PTPN4: variants seen among roughly 807,000 people sequenced by gnomAD.
PTPN4 encodes tyrosine-protein phosphatase non-receptor type 4.
PTPN4 carries 49 observed loss-of-function variants against 135.5 expected under a neutral mutation model. That is an observed-to-expected ratio of 0.36 (90% confidence interval 0.29 to 0.46). PTPN4 has a LOEUF of 0.46. Ranked by LOEUF, PTPN4 falls within the 20% of genes least tolerant of loss-of-function variation. The pLI is 1.00. For synonymous variants in PTPN4, 333 were observed against 369.9 expected (o/e 0.90, Z 1.14); for missense variants, 860 against 1,101.0 (o/e 0.78, Z 3.10).
rs565134259 is a variant in PTPN4, at chr2:119,959,399, G to A, written c.2134-1408G>A. Among the ~76,000 whole-genome samples the A allele has an allele frequency of 1.5e-4, 23 of 152,310 alleles. No homozygotes were observed. The East Asian group carries it at 4.4e-3, about 29-fold the overall frequency. ...CTGAGATTGAAAGAGCAAAAGTTTG[G>A]TAATACTACATGTAGGTCCACATCC... On this transcript the variant is annotated intron_variant, in intron 22 of 26. Transcript: ENST00000263708.
At chr2:119,939,652 A>G (rs1162256323) in intron 15 of PTPN4, among the ~76,000 whole-genome samples, 2 of 152,084 alleles carry the variant, frequency 1.3e-5, no homozygotes, top group African/African-American at 2.4e-5. Flanking sequence ...TTCCTGGACT[A>G]TTCCATTCTA....
At chr2:119,907,044 A>T (rs1678499853) in intron 10 of PTPN4, among the ~76,000 whole-genome samples, 1 of 152,198 alleles carries the variant, frequency 6.6e-6, no homozygotes, top group Non-Finnish European at 1.5e-5. Context: ...TCAAGAACGC[A>T]ATCTCATTTA....
At chr2:119,944,453 T>C (rs1438706024) in intron 15 of PTPN4, among the ~76,000 whole-genome samples, 1 of 152,206 alleles carries the variant, frequency 6.6e-6, no homozygotes, top group African/African-American at 2.4e-5. Flanking sequence ...TTATCATATC[T>C]AGCTCTTTTT....
intron 18 of PTPN4, among the ~76,000 whole-genome samples, chr2:119,948,972 ATTTCT>A (rs944637518): frequency 2.8e-4 from 43 of 152,268 alleles, no homozygotes; most frequent in African/African-American, 9.9e-4. Context: ...GATAATACAC[ATTTCT>A]TTATTTACAT....
intron 2 of PTPN4, among the ~76,000 whole-genome samples, chr2:119,855,148 C>G (rs564144562): frequency 6.6e-6 from 1 of 152,186 alleles, no homozygotes; most frequent in East Asian, 1.9e-4. Context: ...CATGGTTTTT[C>G]TAAGATGATG....
At chr2:119,873,663 G>T (rs1322956226) in intron 3 of PTPN4, among the ~76,000 whole-genome samples, 2 of 152,122 alleles carry the variant, frequency 1.3e-5, no homozygotes, top group Non-Finnish European at 2.9e-5. Context: ...TGATGATGTA[G>T]TACCGTCTCT....
intron 18 of PTPN4, among the ~76,000 whole-genome samples, chr2:119,949,797 C>T (rs1261699796): frequency 1.3e-5 from 2 of 152,036 alleles, no homozygotes; most frequent in Non-Finnish European, 2.9e-5. Flanking sequence ...GAGCTATGAT[C>T]ACACCACTAC....
intron 2 of PTPN4, among the ~76,000 whole-genome samples, chr2:119,842,821 T>A (rs1677401224): frequency 6.6e-6 from 1 of 152,154 alleles, no homozygotes; most frequent in Non-Finnish European, 1.5e-5. Flanking sequence ...CATCTACAGA[T>A]CTTTTATAGC....
intron 3 of PTPN4, among the ~76,000 whole-genome samples, chr2:119,864,205 T>A (rs1677799961): frequency 6.6e-6 from 1 of 152,128 alleles, no homozygotes; most frequent in East Asian, 1.9e-4. Flanking sequence ...CTATAGGGTG[T>A]ATAACATTTT....
intron 5 of PTPN4, among the ~76,000 whole-genome samples, chr2:119,878,859 C>A (rs1266703851): frequency 6.6e-6 from 1 of 151,640 alleles, no homozygotes; most frequent in Non-Finnish European, 1.5e-5. Flanking sequence ...TTTGGGAGGC[C>A]AAGGTGGGCG....
intron 3 of PTPN4, 23 bp downstream of exon 3, chr2:119,862,666 C>T (rs1190764696): frequency 6.4e-7 from 1 of 1,560,806 alleles, no homozygotes; most frequent in Admixed American, 1.7e-5. Flanking sequence ...TTTTGTCTTT[C>T]ATTTTCATTT....
intron 9 of PTPN4, among the ~76,000 whole-genome samples, chr2:119,891,698 TG>T (rs1164034841): frequency 6.6e-6 from 1 of 152,322 alleles, no homozygotes; most frequent in Non-Finnish European, 1.5e-5. Flanking sequence ...CTGACTTATT[TG>T]TATTGTTTTT....
chr2:119,963,404 GCCTGCAGCTAGCTATCCC>G (rs1425832251), intron 24 of PTPN4, among the ~76,000 whole-genome samples: 1 of 152,154 alleles, frequency 6.6e-6, no homozygotes, highest in Admixed American at 6.5e-5. Flanking sequence ...TACTTTCTCT[GCCTGCAGCTAGCTATCCC>G]CCTGCCACCA....
Position 119,823,879 on chromosome 2 carries a change from ACT to A in PTPN4, c.138+13890_138+13891del, listed in dbSNP as rs550401693. 5.3e-5 allele frequency among the ~76,000 whole-genome samples: 8 copies of A among 152,050 alleles called. 1 individual carries two copies. In the East Asian group the frequency reaches 1.6e-3, roughly 29 times the overall value. On this transcript the variant is annotated intron_variant, in intron 2 of 26. Coordinates refer to ENST00000263708, the MANE Select transcript of PTPN4 (RefSeq NM_002830.4). ...AGCTTCTGCTATTGTTTTATGGTAA[ACT>A]CACTCTCGAAGAACTTTTAGCTGCT...
In PTPN4 at chr2:119,809,961, G is replaced by A. The variant is rs781440488; in HGVS notation, c.108G>A (p.Leu36=). The A allele has an allele frequency of 6.7e-5, 108 of 1,612,676 alleles. No homozygotes were observed. Among genetic ancestry groups the A allele is most frequent in the Non-Finnish European group, 9.1e-5 (107 of 1,179,480 alleles). Residue 36 remains leucine, a synonymous_variant, in exon 2 of 27, where the codon CTG becomes CTA. Coordinates refer to ENST00000263708, the MANE Select transcript of PTPN4 (RefSeq NM_002830.4). ...AAGTGGTTTGCAACATCCTTCTTCTGGATAACACTGTACAAGCTTTCAAAG... is the reference window on the plus strand; with the variant it reads ...AAGTGGTTTGCAACATCCTTCTTCTAGATAACACTGTACAAGCTTTCAAAG... ...HTEVVCNILL[L]DNTVQAFKVN... is the part of the protein sequence containing the mutation.
chr2:119,866,839 C>G (rs1188885026), intron 3 of PTPN4, among the ~76,000 whole-genome samples: 1 of 152,116 alleles, frequency 6.6e-6, no homozygotes, highest in Non-Finnish European at 1.5e-5. Context: ...CACTATTTCT[C>G]TCTTATCTAT....
intron 1 of PTPN4, among the ~76,000 whole-genome samples, chr2:119,791,704 G>T (rs7601857): frequency 6.6e-6 from 1 of 151,844 alleles, no homozygotes; most frequent in Non-Finnish European, 1.5e-5. Context: ...TTCTTTTTGC[G>T]CTGGAGATTT....
intron 3 of PTPN4, among the ~76,000 whole-genome samples, chr2:119,873,633 C>T (rs1413387548): frequency 1.3e-5 from 2 of 152,132 alleles, no homozygotes; most frequent in East Asian, 3.9e-4. Flanking sequence ...CCTAAGTAGA[C>T]ACTCCTTCAT....
At chr2:119,826,618 C>T (rs192225341) in intron 2 of PTPN4, among the ~76,000 whole-genome samples, 9 of 152,324 alleles carry the variant, frequency 5.9e-5, no homozygotes, top group Admixed American at 5.2e-4. Context: ...TACAATCCCT[C>T]CCCTATCCCC....
Sources: gnomAD v4.1 joint callset for allele counts (sites outside exome capture counted in the v4.1 genomes callset) on GRCh38, gnomAD v4.1.1 for gene constraint, MANE v1.5 for transcripts, NCBI Gene and HGNC (gene_info 2026-07-23, HGNC 2026-07-21) for gene names.